Variants in NFIB observed in about 807,000 individuals in gnomAD.
NFIB encodes nuclear factor I B, also known as nuclear factor 1 B-type.
A neutral mutation model predicts 61.5 loss-of-function variants in NFIB; 11 were observed. The ratio of observed to expected loss-of-function variants is 0.18; its 90% CI spans 0.11 to 0.30. The LOEUF is 0.30. Ranked by LOEUF, NFIB falls within the 10% of genes least tolerant of loss-of-function variation. The pLI, the probability that NFIB is intolerant of heterozygous loss-of-function variation, is 1.00. For synonymous variants in NFIB, 260 were observed against 216.5 expected, an observed-to-expected ratio of 1.20 and a Z score of -1.76; for missense variants, 471 against 608.9, an observed-to-expected ratio of 0.77 and a Z score of 2.38.
chr9:14,229,978 T>A (rs530745826), intron 2 of NFIB, among the ~76,000 whole-genome samples: 1 of 152,296 alleles, frequency 6.6e-6, no homozygotes, highest in Admixed American at 6.5e-5. Context: ...TTATTTTGTA[T>A]TTTTAGTAGA....
At chr9:14,309,382 T>C (rs1200864872) in intron 1 of NFIB, among the ~76,000 whole-genome samples, 1 of 152,232 alleles carries the variant, frequency 6.6e-6, no homozygotes, top group East Asian at 1.9e-4. Context: ...TCAAGTGTTC[T>C]AACATTGCTG....
the NFIB span, among the ~76,000 whole-genome samples, chr9:14,446,402 C>G: frequency 6.6e-6 from 1 of 152,124 alleles, no homozygotes; most frequent in Non-Finnish European, 1.5e-5. Flanking sequence ...CATTACACCC[C>G]ACATGTCTGT....
chr9:14,378,653 C>A (rs2061448558), intron 1 of NFIB, among the ~76,000 whole-genome samples: 1 of 152,210 alleles, frequency 6.6e-6, no homozygotes, highest in African/African-American at 2.4e-5. Flanking sequence ...CCACACCCAG[C>A]CCCAATTACT....
At position 14,313,771 on chromosome 9, in the gene NFIB, C is replaced by T; in HGVS notation, c.-260G>A. ...CCCTCTTGCAGTCCGAGCGCGCTGG[C>T]CGTGCTTGCCGAGGCCGCCGCCGCC... On this transcript the variant is annotated 5_prime_UTR_variant, in exon 1 of 11. Transcript: ENST00000380953. The surrounding 1 kb of genome is among the most constrained non-coding windows in gnomAD (Gnocchi z 4.5). 7.4e-7 allele frequency: 1 copy of T among 1,342,660 alleles called. No homozygotes were observed. The highest frequency in any genetic ancestry group is 1.8e-5 in the South Asian group (1 of 57,092). 83.2% of individuals were successfully genotyped at this position (1,342,660 alleles called of 1,614,324 possible).
the NFIB span, among the ~76,000 whole-genome samples, chr9:14,504,188 G>T: frequency 6.6e-6 from 1 of 152,124 alleles, no homozygotes; most frequent in East Asian, 1.9e-4. Context: ...TGGTCTATGT[G>T]CCTATTTTTA....
At chr9:14,179,851 T>A in intron 2 of NFIB, 71 bp from the exon 3 acceptor site, 1 of 1,491,136 alleles carries the variant, frequency 6.7e-7, no homozygotes, top group Non-Finnish European at 9.1e-7. Flanking sequence ...CTCAAAGGAC[T>A]CGAAAAAAAA....
At chr9:14,523,525 G>T in the NFIB span, among the ~76,000 whole-genome samples, 1 of 152,026 alleles carries the variant, frequency 6.6e-6, no homozygotes, top group East Asian at 1.9e-4. Context: ...TCCCGACATC[G>T]CCATAAATGT....
At chr9:14,167,451 T>C (rs1412927188) in intron 3 of NFIB, among the ~76,000 whole-genome samples, 1 of 152,124 alleles carries the variant, frequency 6.6e-6, no homozygotes, top group African/African-American at 2.4e-5. Context: ...GAGAATTGCT[T>C]GAACCTGGGA....
At chr9:14,208,557 A>G (rs1273900987) in intron 2 of NFIB, among the ~76,000 whole-genome samples, 6 of 151,422 alleles carry the variant, frequency 4.0e-5, no homozygotes, top group Non-Finnish European at 7.4e-5. Context: ...TTTTACTTAA[A>G]AGAGCTTTTT....
In NFIB at chr9:14,245,453, A is replaced by G. The variant is rs937068430; in HGVS notation, c.562+61536T>C. On this transcript the variant is annotated intron_variant, in intron 2 of 10. Coordinates refer to ENST00000380953, the MANE Select transcript of NFIB (RefSeq NM_001190737.2). ...CTCTGAATGCAAACCAGGACAGAAC[A>G]AAACAAAACAGAAAAAAAAAACCAA... Among the ~76,000 whole-genome samples, 137 of 152,242 alleles carry G rather than the reference A, an allele frequency of 9.0e-4. 1 individual carries two copies. The highest frequency in any genetic ancestry group is 3.3e-3 in the African/African-American group (136 of 41,518).
chr9:14,253,601 C>T (rs1248499059), intron 2 of NFIB, among the ~76,000 whole-genome samples: 3 of 151,992 alleles, frequency 2.0e-5, no homozygotes, highest in Non-Finnish European at 4.4e-5. Flanking sequence ...GTGGCTGAGG[C>T]GGGAGGATTG....
At chr9:14,268,512 G>T (rs753153554) in intron 2 of NFIB, among the ~76,000 whole-genome samples, 1 of 152,096 alleles carries the variant, frequency 6.6e-6, no homozygotes, top group African/African-American at 2.4e-5. Flanking sequence ...TTCTTGTGCT[G>T]TTTCCTGCCT....
Position 14,125,756 on chromosome 9 carries a change from A to C in NFIB, c.936T>G (p.Ser312=), listed in dbSNP as rs773137247. Residue 312 remains serine (S), a synonymous_variant, in exon 7 of 11, where the codon TCT becomes TCG. Coordinates refer to ENST00000380953, the MANE Select transcript of NFIB (RefSeq NM_001190737.2). ...TWHERDQDMS[S]PTTMKKPEKP... is the part of the protein sequence containing the mutation. ...TTTCAGGCTTCTTCATAGTAGTCGG[A>C]GAAGACATATCTGCGAGAAACAGAG... The C allele has an allele frequency of 2.5e-6, 4 of 1,613,964 alleles. No individual in the cohort carries two copies. In the East Asian group the frequency reaches 8.9e-5, roughly 36 times the overall value.
chr9:14,305,696 C>G (rs2059981607), intron 2 of NFIB: 1 of 205,738 alleles, frequency 4.9e-6, no homozygotes, highest in South Asian at 1.9e-4. Flanking sequence ...ACAAGAAAAT[C>G]AAGACAAAAA....
intron 1 of NFIB, among the ~76,000 whole-genome samples, chr9:14,382,182 A>G (rs1350257421): frequency 6.6e-6 from 1 of 152,218 alleles, no homozygotes; most frequent in South Asian, 2.1e-4. Context: ...GCTTCCTAAA[A>G]AAGTTATAAA....
the NFIB span, among the ~76,000 whole-genome samples, chr9:14,465,889 G>A: frequency 6.6e-6 from 1 of 152,234 alleles, no homozygotes; most frequent in African/African-American, 2.4e-5. Context: ...TCTCCCAGTT[G>A]TGACAATCGA....
chr9:14,409,045 T>C, the NFIB span, among the ~76,000 whole-genome samples: 1 of 152,136 alleles, frequency 6.6e-6, no homozygotes, highest in African/African-American at 2.4e-5. Context: ...CCTAGTGATA[T>C]ACTGGTACAT....
At chr9:14,339,219 G>A (rs2060921775) in intron 1 of NFIB, among the ~76,000 whole-genome samples, 1 of 152,104 alleles carries the variant, frequency 6.6e-6, no homozygotes, top group Admixed American at 6.5e-5. Flanking sequence ...AAATCACTTG[G>A]AACCCTGTCT....
At chr9:14,395,374 C>A (rs2061672694) in intron 1 of NFIB, among the ~76,000 whole-genome samples, 1 of 150,666 alleles carries the variant, frequency 6.6e-6, no homozygotes, top group Non-Finnish European at 1.5e-5. Flanking sequence ...AAGTTTGGAT[C>A]CTGTTTGAAA....
Sources: allele counts gnomAD v4.1 joint callset (sites outside exome capture counted in the v4.1 genomes callset), GRCh38; gene constraint gnomAD v4.1.1; non-coding constraint Gnocchi (gnomAD v3.1); transcripts MANE v1.5; gene names NCBI Gene and HGNC (gene_info 2026-07-23, HGNC 2026-07-21).